The following RBFOX1 variants were observed in gnomAD, a reference collection of about 807,000 sequenced individuals.
RBFOX1 encodes RNA binding fox-1 homolog 1, also known as RNA binding protein fox-1 homolog 1.
RBFOX1 carries 8 observed loss-of-function variants against 57.7 expected under a neutral mutation model. The ratio of observed to expected loss-of-function variants is 0.14; its 90% CI spans 0.08 to 0.25. The LOEUF is 0.25. Ranked by LOEUF, RBFOX1 falls within the 10% of genes least tolerant of loss-of-function variation. The pLI, the probability that RBFOX1 is intolerant of heterozygous loss-of-function variation, is 1.00. For missense variants in RBFOX1, 611 were observed against 548.5 expected, an observed-to-expected ratio of 1.11 and a Z score of -1.14; for synonymous variants, 326 against 222.4, an observed-to-expected ratio of 1.47 and a Z score of -4.15.
intron 3 of RBFOX1, among the ~76,000 whole-genome samples, chr16:5,652,223 C>T (rs2049264464): frequency 6.6e-6 from 1 of 152,188 alleles, no homozygotes; most frequent in South Asian, 2.1e-4. Context: ...TTAGATACCA[C>T]TTAGCACTTT....
chr16:5,925,707 G>C (rs2058926326), intron 4 of RBFOX1, among the ~76,000 whole-genome samples: 1 of 152,016 alleles, frequency 6.6e-6, no homozygotes, highest in Non-Finnish European at 1.5e-5. Context: ...CTGAAATATA[G>C]AATTACCTAA....
At chr16:5,448,037 G>T (rs2068304752) in intron 1 of RBFOX1, among the ~76,000 whole-genome samples, 1 of 152,156 alleles carries the variant, frequency 6.6e-6, no homozygotes, top group Admixed American at 6.5e-5. Context: ...GAGTCACATG[G>T]GGGAACAGGC....
intron 4 of RBFOX1, among the ~76,000 whole-genome samples, chr16:7,218,917 C>T (rs985082786): frequency 6.6e-6 from 1 of 152,126 alleles, no homozygotes; most frequent in Non-Finnish European, 1.5e-5. Context: ...ACAATCTTCT[C>T]TCTTGGGTTT....
At chr16:6,769,227 C>T (rs1199450638) in intron 3 of RBFOX1, among the ~76,000 whole-genome samples, 1 of 152,126 alleles carries the variant, frequency 6.6e-6, no homozygotes, top group East Asian at 1.9e-4. Context: ...AATTTCCCTG[C>T]ACAAGTTCTT....
At chr16:5,916,633 G>A (rs889005321) in intron 4 of RBFOX1, among the ~76,000 whole-genome samples, 2 of 152,010 alleles carry the variant, frequency 1.3e-5, no homozygotes, top group African/African-American at 4.8e-5. Context: ...GGAGGAGGAG[G>A]ACCTCCTAGA....
At chr16:6,456,128 G>T (rs1460197489) in intron 2 of RBFOX1, among the ~76,000 whole-genome samples, 1 of 152,164 alleles carries the variant, frequency 6.6e-6, no homozygotes, top group Non-Finnish European at 1.5e-5. Context: ...CTACTCTGTT[G>T]CTGGGGTTTT....
At chr16:6,427,411 T>A (rs1198332329) in intron 2 of RBFOX1, among the ~76,000 whole-genome samples, 3 of 152,214 alleles carry the variant, frequency 2.0e-5, no homozygotes, top group African/African-American at 7.2e-5. Flanking sequence ...AGGGAGTAGT[T>A]CTGAACGCTG....
intron 4 of RBFOX1, among the ~76,000 whole-genome samples, chr16:7,281,444 T>A (rs981023436): frequency 7.2e-5 from 11 of 152,084 alleles, no homozygotes; most frequent in Admixed American, 6.6e-4. Flanking sequence ...TAGTCCTCTC[T>A]TCTATAAAAC....
chr16:5,349,962 A>G (rs540517625), intron 1 of RBFOX1, among the ~76,000 whole-genome samples: 1 of 152,276 alleles, frequency 6.6e-6, no homozygotes, highest in Non-Finnish European at 1.5e-5. Flanking sequence ...CTCCTCTATA[A>G]TTACCCAGGC....
intron 2 of RBFOX1, among the ~76,000 whole-genome samples, chr16:6,480,382 G>A (rs1196337107): frequency 1.3e-5 from 2 of 152,234 alleles, no homozygotes; most frequent in African/African-American, 4.8e-5. Flanking sequence ...CGCATTTGCA[G>A]ATGAAGGCAG....
At chr16:7,261,533 G>A (rs1036108162) in intron 4 of RBFOX1, among the ~76,000 whole-genome samples, 3 of 152,246 alleles carry the variant, frequency 2.0e-5, no homozygotes, top group South Asian at 2.1e-4. Context: ...ATAACTAACG[G>A]CAGTAACTTT....
intron 2 of RBFOX1, among the ~76,000 whole-genome samples, chr16:5,582,205 G>C (rs1278420129): frequency 1.3e-5 from 2 of 152,218 alleles, no homozygotes; most frequent in Non-Finnish European, 2.9e-5. Context: ...TGCACCACAG[G>C]AAGTGAGGCT....
At chr16:6,751,018 G>C (rs1245248403) in intron 3 of RBFOX1, among the ~76,000 whole-genome samples, 1 of 152,136 alleles carries the variant, frequency 6.6e-6, no homozygotes, top group African/African-American at 2.4e-5. Flanking sequence ...AACAGAAACA[G>C]CATGTTCAAG....
At chr16:7,358,719 C>G (rs562546924) in intron 4 of RBFOX1, among the ~76,000 whole-genome samples, 13 of 152,310 alleles carry the variant, frequency 8.5e-5, no homozygotes, top group Non-Finnish European at 1.3e-4. Context: ...TGCGCCCAGT[C>G]TCTTAAGTAC....
In RBFOX1 at chr16:7,009,287, C is replaced by G. The variant is rs1042809348; in HGVS notation, c.-15-42770C>G. ...CTTCCTCTTCTTCTCTCTTTTCTCT[C>G]TCACTCTCTGTCTCTTCCTTCTTTC... On this transcript the variant is annotated intron_variant, in intron 3 of 15. Coordinates refer to ENST00000550418, the MANE Select transcript of RBFOX1 (RefSeq NM_018723.4). Among the ~76,000 whole-genome samples the G allele has an allele frequency of 1.0e-4, 15 of 146,644 alleles. 1 individual carries two copies. Among genetic ancestry groups the G allele is most frequent in the Middle Eastern group, 6.8e-3 (2 of 292 alleles).
intron 2 of RBFOX1, among the ~76,000 whole-genome samples, chr16:6,531,830 A>G (rs746466303): frequency 6.6e-6 from 1 of 152,226 alleles, no homozygotes; most frequent in African/African-American, 2.4e-5. Flanking sequence ...ACTGCAGTTA[A>G]TTACAGGGAC....
chr16:5,903,099 G>GGT (rs138162092), intron 4 of RBFOX1, among the ~76,000 whole-genome samples: 7 of 151,410 alleles, frequency 4.6e-5, no homozygotes, highest in East Asian at 3.9e-4. Flanking sequence ...GGTGTGTGTG[G>GGT]GTGTGTGTGT....
intron 2 of RBFOX1, among the ~76,000 whole-genome samples, chr16:5,517,073 C>T (rs1449966675): frequency 6.6e-6 from 1 of 151,640 alleles, no homozygotes; most frequent in African/African-American, 2.4e-5. Context: ...TATGAAATGG[C>T]TCTTAGAAGA....
At chr16:6,163,294 G>A (rs1041738062) in intron 1 of RBFOX1, among the ~76,000 whole-genome samples, 1 of 152,180 alleles carries the variant, frequency 6.6e-6, no homozygotes, top group South Asian at 2.1e-4. Flanking sequence ...CAGAGAATGA[G>A]TGTCAAGGCA....
Sources: gnomAD v4.1 joint callset for allele counts (sites outside exome capture counted in the v4.1 genomes callset) on GRCh38, gnomAD v4.1.1 for gene constraint, MANE v1.5 for transcripts, NCBI Gene and HGNC (gene_info 2026-07-23, HGNC 2026-07-21) for gene names.